Variants in ANO10 observed in about 807,000 individuals in gnomAD.
ANO10 encodes the protein anoctamin 10.
Under a neutral mutation model 74.7 loss-of-function variants are expected in ANO10, and 77 were observed. The observed-to-expected ratio is 1.03, with a 90% CI of 0.86 to 1.25. The LOEUF is 1.25. ANO10 is among the 50% of genes most tolerant of loss of function. The pLI, the probability that ANO10 is intolerant of heterozygous loss-of-function variation, is 0.00. For synonymous variants in ANO10, 279 were observed against 284.9 expected (o/e 0.98, Z 0.21); for missense variants, 721 against 778.1 (o/e 0.93, Z 0.87).
At chr3:43,644,440 A>G (rs1022877813) in intron 1 of ANO10, among the ~76,000 whole-genome samples, 13 of 152,182 alleles carry the variant, frequency 8.5e-5, no homozygotes, top group Non-Finnish European at 1.5e-4. Flanking sequence ...TTACTCTGCC[A>G]TAGAGTAGAA....
At chr3:43,371,174 T>A (rs1450888569) in intron 12 of ANO10, among the ~76,000 whole-genome samples, 1 of 151,818 alleles carries the variant, frequency 6.6e-6, no homozygotes, top group Non-Finnish European at 1.5e-5. Flanking sequence ...CTGCCCCCCG[T>A]CCCAAACCAA....
chr3:43,474,892 T>TAA (rs1239184536), intron 11 of ANO10, among the ~76,000 whole-genome samples: 1 of 128,458 alleles, frequency 7.8e-6, no homozygotes, highest in African/African-American at 2.5e-5. Context: ...TATCACTAAT[T>TAA]ATTTTGTAGA....
chr3:43,671,372 A>G (rs1330026093), intron 1 of ANO10, among the ~76,000 whole-genome samples: 3 of 152,136 alleles, frequency 2.0e-5, no homozygotes, highest in Non-Finnish European at 4.4e-5. Context: ...AATATTACCA[A>G]CTGCCGCCGC....
rs370136137 is a variant in ANO10 at position 43,549,725 on chromosome 3, C to T, written c.1792G>A (p.Val598Met). 1.9e-6 allele frequency: 3 copies of T among 1,613,892 alleles called. No individual in the cohort carries two copies. Among genetic ancestry groups the T allele is most frequent in the African/African-American group, 1.3e-5 (1 of 74,920 alleles). ...AAGTTTAAATCTTTACTTACCTCCA[C>T]TGCTACTACAATCAAAATGAGGTCT... ...KADLILIVVA[V>M]EHALLALKFI... Residue 598 changes from valine to methionine, a missense_variant, in exon 11 of 13, where the codon GTG becomes ATG. Physicochemically the swap from Val to Met is conservative, Grantham distance 21 (BLOSUM62 1). Coordinates refer to ENST00000292246, the MANE Select transcript of ANO10 (RefSeq NM_018075.5).
At chr3:43,656,475 G>A (rs972883603) in intron 1 of ANO10, among the ~76,000 whole-genome samples, 4 of 152,246 alleles carry the variant, frequency 2.6e-5, no homozygotes, top group Admixed American at 6.5e-5. Context: ...CATGGAGCAG[G>A]GGGTGGTACT....
chr3:43,542,251 C>G (rs547094237), intron 11 of ANO10, among the ~76,000 whole-genome samples: 1 of 152,024 alleles, frequency 6.6e-6, no homozygotes, highest in East Asian at 1.9e-4. Context: ...AGAGCCGAAA[C>G]AAATATTCAG....
intron 12 of ANO10, among the ~76,000 whole-genome samples, chr3:43,428,807 A>AAAAAAAAAAAAAAAAAAAAAAT (rs2092937861): frequency 6.6e-6 from 1 of 150,418 alleles, no homozygotes; most frequent in African/African-American, 2.4e-5. Flanking sequence ...AAAAAAAAAA[A>AAAAAAAAAAAAAAAAAAAAAAT]AAAAAAAAAA....
At chr3:43,590,875 G>T (rs193148580) in intron 4 of ANO10, among the ~76,000 whole-genome samples, 31 of 152,228 alleles carry the variant, frequency 2.0e-4, no homozygotes, top group African/African-American at 7.5e-4. Flanking sequence ...CTATGAAGGT[G>T]ACCACACCCA....
rs139932436 is a variant in ANO10 at position 43,598,575 on chromosome 3, G to A, written c.429C>T (p.Ile143=). ...ENLRAKDEKM[I]PGYPQAKLYP... Reference sequence around the variant, plus strand: ...ACAACTTTGCCTGAGGGTAACCAGGGATCATTTTTTCATCTTTAGCTCTAA... The same window carrying A: ...ACAACTTTGCCTGAGGGTAACCAGGAATCATTTTTTCATCTTTAGCTCTAA... The change falls in exon 4 of 13, where the codon ATC becomes ATT. Residue 143 remains isoleucine, a synonymous_variant. Coordinates refer to ENST00000292246, the MANE Select transcript of ANO10 (RefSeq NM_018075.5). 7.4e-6 allele frequency: 12 copies of A among 1,612,866 alleles called. No individual in the cohort carries two copies. The highest frequency in any genetic ancestry group is 1.1e-5 in the South Asian group (1 of 90,960).
intron 11 of ANO10, among the ~76,000 whole-genome samples, chr3:43,481,687 C>T (rs764854963): frequency 1.1e-4 from 17 of 152,272 alleles, no homozygotes; most frequent in Middle Eastern, 3.4e-3. Context: ...ACCCTGGTCT[C>T]AACAATCACT....
intron 11 of ANO10, among the ~76,000 whole-genome samples, chr3:43,443,565 G>A (rs577303222): frequency 6.6e-6 from 1 of 151,794 alleles, no homozygotes; most frequent in East Asian, 1.9e-4. Flanking sequence ...ATTAATAGCT[G>A]GAATCTAAAA....
intron 11 of ANO10, among the ~76,000 whole-genome samples, chr3:43,453,971 AG>A (rs1403198402): frequency 6.6e-6 from 1 of 152,226 alleles, no homozygotes; most frequent in African/African-American, 2.4e-5. Flanking sequence ...TTTTTAGAGA[AG>A]ACATATAATT....
chr3:43,691,048 A>G, intron 1 of ANO10: 1 of 1,550,404 alleles, frequency 6.4e-7, no homozygotes, highest in Non-Finnish European at 8.7e-7. Context: ...AGGTAAGCGC[A>G]GCCGGCAGGG....
intron 1 of ANO10, among the ~76,000 whole-genome samples, chr3:43,612,107 T>A (rs2082845331): frequency 7.0e-6 from 1 of 142,736 alleles, no homozygotes; most frequent in African/African-American, 2.6e-5. Flanking sequence ...CATTCCTCCT[T>A]TAAGTGCAGT....
At chr3:43,503,152 A>G (rs953893130) in intron 11 of ANO10, among the ~76,000 whole-genome samples, 1 of 152,198 alleles carries the variant, frequency 6.6e-6, no homozygotes, top group Non-Finnish European at 1.5e-5. Context: ...AAGGGAGAAC[A>G]CTACAGTTAT....
intron 11 of ANO10, among the ~76,000 whole-genome samples, chr3:43,474,170 T>A (rs2075974084): frequency 4.6e-5 from 7 of 152,306 alleles, no homozygotes; most frequent in Admixed American, 3.3e-4. Context: ...ATAAGACTGA[T>A]TACACGTGGT....
chr3:43,470,601 T>TTTATTTAC (rs2075814000), intron 11 of ANO10, among the ~76,000 whole-genome samples: 2 of 91,054 alleles, frequency 2.2e-5, no homozygotes, highest in African/African-American at 6.9e-5. Context: ...AATTATTTTA[T>TTTATTTAC]TTATTTATTT....
intron 1 of ANO10, among the ~76,000 whole-genome samples, chr3:43,631,269 T>C (rs1007321113): frequency 2.0e-5 from 3 of 152,188 alleles, no homozygotes; most frequent in Non-Finnish European, 2.9e-5. Flanking sequence ...CCAGCCTCAT[T>C]TGAGATCTGC....
intron 11 of ANO10, among the ~76,000 whole-genome samples, chr3:43,493,966 C>A (rs767007128): frequency 6.6e-6 from 1 of 152,100 alleles, no homozygotes; most frequent in Non-Finnish European, 1.5e-5. Context: ...GAACTCCTGG[C>A]ATTAAGCAAT....
Sources: gnomAD v4.1 joint callset for allele counts (sites outside exome capture counted in the v4.1 genomes callset) on GRCh38, gnomAD v4.1.1 for gene constraint, MANE v1.5 for transcripts, NCBI Gene and HGNC (gene_info 2026-07-23, HGNC 2026-07-21) for gene names.